The following PLCL2 variants were observed in gnomAD, a reference collection of about 807,000 sequenced individuals.
PLCL2 encodes phospholipase C like 2.
Under a neutral mutation model 79.6 loss-of-function variants are expected in PLCL2, and 4 were observed. That is an observed-to-expected ratio of 0.05 (90% CI 0.02 to 0.11). PLCL2 has a LOEUF of 0.11. Ranked by LOEUF, PLCL2 falls within the 10% of genes least tolerant of loss-of-function variation. The probability of loss-of-function intolerance (pLI) is 1.00; values close to 1 mark genes in which losing one functional copy is unlikely to be tolerated. For missense variants in PLCL2, 895 were observed against 1,291.0 expected (o/e 0.69, Z 4.70); for synonymous variants, 484 against 457.7 (o/e 1.06, Z -0.73).
intron 4 of PLCL2, among the ~76,000 whole-genome samples, chr3:17,044,614 T>A (rs1414056637): frequency 2.0e-5 from 3 of 152,208 alleles, no homozygotes; most frequent in Non-Finnish European, 4.4e-5. Context: ...ACCCATGACA[T>A]CTGTTCTAAC....
intron 4 of PLCL2, among the ~76,000 whole-genome samples, chr3:17,066,363 A>G (rs1049239436): frequency 1.3e-5 from 2 of 152,362 alleles, no homozygotes; most frequent in South Asian, 2.1e-4. Flanking sequence ...AAAGAAACAC[A>G]GAAGTAAAAA....
At chr3:16,981,230 CAAT>C (rs2063993689) in intron 1 of PLCL2, among the ~76,000 whole-genome samples, 1 of 152,156 alleles carries the variant, frequency 6.6e-6, no homozygotes. Context: ...GCTCATTAAT[CAAT>C]AATATATTGA....
At chr3:16,901,037 G>T in intron 1 of PLCL2, among the ~76,000 whole-genome samples, 1 of 152,276 alleles carries the variant, frequency 6.6e-6, no homozygotes, top group East Asian at 1.9e-4. Flanking sequence ...GAAGTTTAAC[G>T]CCTTGATTGT....
chr3:17,053,952 C>T (rs2064868681), intron 4 of PLCL2, among the ~76,000 whole-genome samples: 1 of 152,150 alleles, frequency 6.6e-6, no homozygotes, highest in South Asian at 2.1e-4. Flanking sequence ...CTGCAGCCTG[C>T]TTGAATTCCT....
At chr3:16,937,264 C>G (rs1474710821) in intron 1 of PLCL2, among the ~76,000 whole-genome samples, 2 of 152,058 alleles carry the variant, frequency 1.3e-5, no homozygotes, top group Non-Finnish European at 1.5e-5. Context: ...CGGGAGGAAC[C>G]CTGTAACTAA....
intron 5 of PLCL2, among the ~76,000 whole-genome samples, chr3:17,072,672 A>G (rs1331969686): frequency 8.5e-6 from 1 of 117,208 alleles, no homozygotes; most frequent in African/African-American, 4.0e-5. Context: ...GTCTCAAAGA[A>G]AAAAAAAAAA....
chr3:16,970,040 A>G (rs913778884), intron 1 of PLCL2, among the ~76,000 whole-genome samples: 1 of 133,928 alleles, frequency 7.5e-6, no homozygotes, highest in Non-Finnish European at 1.6e-5. Flanking sequence ...GCTTTGATTT[A>G]TATATATATA....
chr3:17,058,654 A>C (rs2064915120), intron 4 of PLCL2, among the ~76,000 whole-genome samples: 1 of 152,132 alleles, frequency 6.6e-6, no homozygotes, highest in African/African-American at 2.4e-5. Flanking sequence ...TATCATTGCA[A>C]AGGTGATCTT....
chr3:16,929,030 G>A (rs1697326411), intron 1 of PLCL2, among the ~76,000 whole-genome samples: 1 of 152,110 alleles, frequency 6.6e-6, no homozygotes, highest in Non-Finnish European at 1.5e-5. Context: ...GGTGGTGATT[G>A]CTGCACAAGA....
chr3:16,967,038 A>G (rs1187698805), intron 1 of PLCL2, among the ~76,000 whole-genome samples: 1 of 151,988 alleles, frequency 6.6e-6, no homozygotes, highest in Non-Finnish European at 1.5e-5. Context: ...GTTTTCCTGC[A>G]TTAGTTTGCT....
At chr3:16,973,355 CTT>C (rs57892589) in intron 1 of PLCL2, among the ~76,000 whole-genome samples, 4 of 137,772 alleles carry the variant, frequency 2.9e-5, no homozygotes, top group Admixed American at 2.2e-4. Context: ...CTGCCTTTAA[CTT>C]TTTTTTTTTT....
chr3:16,991,008 G>A (rs564173314), intron 1 of PLCL2, among the ~76,000 whole-genome samples: 122 of 152,284 alleles, frequency 8.0e-4, no homozygotes, highest in Non-Finnish European at 1.4e-3. Flanking sequence ...GGGATGCAGC[G>A]TTTGCTGGAG....
At chr3:16,954,221 C>T (rs975360849) in intron 1 of PLCL2, among the ~76,000 whole-genome samples, 2 of 152,150 alleles carry the variant, frequency 1.3e-5, no homozygotes, top group Non-Finnish European at 2.9e-5. Flanking sequence ...GTTGCCCTTC[C>T]TGTGTCCATG....
At chr3:17,060,693 C>T (rs2064942946) in intron 4 of PLCL2, among the ~76,000 whole-genome samples, 1 of 152,140 alleles carries the variant, frequency 6.6e-6, no homozygotes, top group Admixed American at 6.5e-5. Context: ...GATATCATAC[C>T]ATAAGTCATG....
At chr3:17,035,459 C>CA (rs1374281706) in intron 3 of PLCL2, among the ~76,000 whole-genome samples, 1 of 152,094 alleles carries the variant, frequency 6.6e-6, no homozygotes, top group Non-Finnish European at 1.5e-5. Context: ...GTGCCCACAG[C>CA]AAATCAGCCT....
intron 1 of PLCL2, among the ~76,000 whole-genome samples, chr3:16,946,112 C>T (rs1575544869): frequency 1.3e-5 from 2 of 152,088 alleles, no homozygotes; most frequent in African/African-American, 4.8e-5. Flanking sequence ...AAGAATCTTC[C>T]AGACTGAGGT....
At chr3:16,960,388 C>T (rs184160197) in intron 1 of PLCL2, among the ~76,000 whole-genome samples, 2 of 152,272 alleles carry the variant, frequency 1.3e-5, no homozygotes, top group African/African-American at 4.8e-5. Context: ...TCATCACTGC[C>T]TAGTGACAAT....
chr3:16,931,218 G>A (rs1697385333), intron 1 of PLCL2, among the ~76,000 whole-genome samples: 4 of 151,588 alleles, frequency 2.6e-5, no homozygotes, highest in Admixed American at 1.3e-4. Context: ...TGAAGGTCTG[G>A]CTCTTCTGCT....
At chr3:17,045,126 T>C (rs540586360) in intron 4 of PLCL2, among the ~76,000 whole-genome samples, 1 of 152,350 alleles carries the variant, frequency 6.6e-6, no homozygotes, top group Admixed American at 6.5e-5. Context: ...TCATTAGTCA[T>C]ATGAAGAATT....
Sources: allele counts gnomAD v4.1 joint callset (sites outside exome capture counted in the v4.1 genomes callset), GRCh38; gene constraint gnomAD v4.1.1; transcripts MANE v1.5; gene names NCBI Gene and HGNC (gene_info 2026-07-23, HGNC 2026-07-21).